ZFHX3: variants seen among roughly 807,000 people sequenced by gnomAD.
ZFHX3 encodes the protein zinc finger homeobox 3.
Under a neutral mutation model 279.1 loss-of-function variants are expected in ZFHX3, and 42 were observed. The ratio of observed to expected loss-of-function variants is 0.15; its 90% CI spans 0.12 to 0.19. The LOEUF is 0.19. Among genes scored for constraint, ZFHX3 ranks in the 10% least tolerant of loss-of-function variants. The pLI, the probability that ZFHX3 is intolerant of heterozygous loss-of-function variation, is 1.00. For synonymous variants in ZFHX3, 2,293 were observed against 1,957.8 expected (o/e 1.17, Z -4.52); for missense variants, 4,981 against 4,754.0 (o/e 1.05, Z -1.40).
At chr16:73,383,099 G>C (rs1181418180) in intron 3 of ZFHX3, among the ~76,000 whole-genome samples, 1 of 152,234 alleles carries the variant, frequency 6.6e-6, no homozygotes, top group East Asian at 1.9e-4. Flanking sequence ...TGGGGAGGAG[G>C]GGGTTGCACT....
chr16:73,701,248 G>C (rs981822819), intron 1 of ZFHX3, among the ~76,000 whole-genome samples: 4 of 152,106 alleles, frequency 2.6e-5, no homozygotes, highest in African/African-American at 7.2e-5. Flanking sequence ...TTTTCTTGTC[G>C]TTATTGTTAT....
At chr16:72,874,998 T>G (rs2038273104) in intron 4 of ZFHX3, among the ~76,000 whole-genome samples, 1 of 152,098 alleles carries the variant, frequency 6.6e-6, no homozygotes, top group Non-Finnish European at 1.5e-5. Context: ...ACAGGAGAGG[T>G]GTCAGGTCTC....
At chr16:73,634,433 A>ATTATATATATATATATATATATATAT (rs1197229737) in intron 2 of ZFHX3, among the ~76,000 whole-genome samples, 2 of 59,884 alleles carry the variant, frequency 3.3e-5, no homozygotes, top group African/African-American at 4.4e-5. Flanking sequence ...TATTATGTAT[A>ATTATATATATATATATATATATATAT]ATATATATAT....
At chr16:73,246,467 C>T (rs916765272) in intron 5 of ZFHX3, among the ~76,000 whole-genome samples, 14 of 152,206 alleles carry the variant, frequency 9.2e-5, no homozygotes, top group Admixed American at 8.5e-4. Context: ...TCCTAAACAG[C>T]CAGCTGGGTC....
chr16:73,370,409 G>C (rs2016606663), intron 3 of ZFHX3, among the ~76,000 whole-genome samples: 1 of 152,160 alleles, frequency 6.6e-6, no homozygotes, highest in African/African-American at 2.4e-5. Context: ...TGGGAGGCAG[G>C]TTTAAGACAT....
chr16:72,879,881 G>A (rs1482870260), intron 4 of ZFHX3, among the ~76,000 whole-genome samples: 2 of 152,180 alleles, frequency 1.3e-5, no homozygotes, highest in African/African-American at 4.8e-5. Context: ...CAGTCCTCTT[G>A]GTGTTTGCCA....
At chr16:73,459,076 T>G (rs1314691421) in intron 2 of ZFHX3, among the ~76,000 whole-genome samples, 1 of 152,238 alleles carries the variant, frequency 6.6e-6, no homozygotes, top group East Asian at 1.9e-4. Context: ...TAGACACGTA[T>G]GTGAGACATA....
intron 2 of ZFHX3, among the ~76,000 whole-genome samples, chr16:73,498,621 A>G (rs2019181955): frequency 6.6e-6 from 1 of 152,228 alleles, no homozygotes; most frequent in South Asian, 2.1e-4. Context: ...ACACAAGTGA[A>G]CTCAGGGAGT....
intron 1 of ZFHX3, among the ~76,000 whole-genome samples, chr16:73,821,345 G>C (rs1209512305): frequency 6.6e-6 from 1 of 152,150 alleles, no homozygotes; most frequent in East Asian, 1.9e-4. Flanking sequence ...TATGGATTAG[G>C]TACCATCTCT....
At chr16:73,216,768 AG>A (rs2012223601) in intron 5 of ZFHX3, among the ~76,000 whole-genome samples, 1 of 151,480 alleles carries the variant, frequency 6.6e-6, no homozygotes, top group East Asian at 1.9e-4. Context: ...ATCGCAAAAA[AG>A]AAAAAGAAAA....
chr16:73,801,422 C>G (rs1223291616), intron 1 of ZFHX3, among the ~76,000 whole-genome samples: 1 of 152,156 alleles, frequency 6.6e-6, no homozygotes, highest in African/African-American at 2.4e-5. Flanking sequence ...GTGTTCAATC[C>G]TTTCCTCTGA....
At chr16:73,318,813 T>G (rs577198956) in intron 3 of ZFHX3, among the ~76,000 whole-genome samples, 1 of 152,360 alleles carries the variant, frequency 6.6e-6, no homozygotes, top group South Asian at 2.1e-4. Flanking sequence ...ATGGATTGCA[T>G]AGAGTCAGGC....
intron 3 of ZFHX3, among the ~76,000 whole-genome samples, chr16:73,408,621 G>C (rs559287386): frequency 6.6e-6 from 1 of 152,164 alleles, no homozygotes; most frequent in Non-Finnish European, 1.5e-5. Context: ...CGAGCAGAGC[G>C]GGGCTTTGGA....
At chr16:73,597,210 A>G (rs963717201) in intron 2 of ZFHX3, among the ~76,000 whole-genome samples, 4 of 152,176 alleles carry the variant, frequency 2.6e-5, no homozygotes, top group African/African-American at 9.7e-5. Context: ...TTCAGAACCC[A>G]GCAACCACGT....
chr16:72,787,137 T>A lies in ZFHX3; in HGVS notation c.*27A>T. The A allele has an allele frequency of 7.3e-7, 1 of 1,375,676 alleles. No homozygotes were observed. The highest frequency in any genetic ancestry group is 9.5e-7 in the Non-Finnish European group (1 of 1,053,640). 85.2% of individuals were successfully genotyped at this position (1,375,676 alleles called of 1,614,324 possible). A position where few individuals can be genotyped will look rare whatever the true frequency, so the allele number is the denominator to read the frequency against. ...TTATTAATTTTTGTATTTAAATTCATTTGTTTGTATTGTTCATCTTCAAAG... is the reference window on the plus strand; with the variant it reads ...TTATTAATTTTTGTATTTAAATTCAATTGTTTGTATTGTTCATCTTCAAAG... On this transcript the variant is annotated 3_prime_UTR_variant, in exon 10 of 10. Coordinates refer to ENST00000268489, the MANE Select transcript of ZFHX3 (RefSeq NM_006885.4).
intron 3 of ZFHX3, among the ~76,000 whole-genome samples, chr16:73,397,284 G>T (rs183806515): frequency 4.6e-5 from 7 of 152,268 alleles, no homozygotes; most frequent in Non-Finnish European, 1.5e-5. Context: ...CAGGCAGACA[G>T]CAAAACAAAT....
At chr16:72,876,236 C>G (rs1429958523) in intron 4 of ZFHX3, among the ~76,000 whole-genome samples, 1 of 152,154 alleles carries the variant, frequency 6.6e-6, no homozygotes, top group Non-Finnish European at 1.5e-5. Context: ...CTTATAGAAG[C>G]AAATTTTACT....
chr16:73,729,391 T>C (rs1597085446), intron 1 of ZFHX3, among the ~76,000 whole-genome samples: 1 of 152,282 alleles, frequency 6.6e-6, no homozygotes, highest in East Asian at 1.9e-4. Context: ...TAGCTGGGTA[T>C]GATGGCGCAT....
At chr16:73,252,247 T>C (rs1261489568) in intron 5 of ZFHX3, among the ~76,000 whole-genome samples, 1 of 151,972 alleles carries the variant, frequency 6.6e-6, no homozygotes, top group African/African-American at 2.4e-5. Context: ...CTGTGATCCA[T>C]GAGTATGAGG....
Sources: gnomAD v4.1 joint callset for allele counts (sites outside exome capture counted in the v4.1 genomes callset) on GRCh38, gnomAD v4.1.1 for gene constraint, MANE v1.5 for transcripts, NCBI Gene and HGNC (gene_info 2026-07-23, HGNC 2026-07-21) for gene names.